The following BOC variants were observed in gnomAD, a reference collection of about 807,000 sequenced individuals.
The protein encoded by BOC is BOC cell adhesion associated, oncogene regulated.
In BOC, 76 loss-of-function variants were observed where a neutral mutation model predicts 112.0. The ratio of observed to expected loss-of-function variants is 0.68; its 90% CI spans 0.56 to 0.82. BOC has a LOEUF of 0.82. BOC is among the 40% of genes least tolerant of loss of function. The pLI is 0.00. For synonymous variants in BOC, 580 were observed against 599.8 expected (o/e 0.97, Z 0.48); for missense variants, 1,309 against 1,511.7 (o/e 0.87, Z 2.22).
chr3:113,236,309 T>TACCC (rs1943548547), intron 2 of BOC, among the ~76,000 whole-genome samples: 1 of 70,450 alleles, frequency 1.4e-5, no homozygotes, highest in Non-Finnish European at 3.3e-5. Flanking sequence ...TATATATATA[T>TACCC]ATACCCATGG....
chr3:113,279,549 G>A lies in BOC; in HGVS notation c.2023+94G>A, dbSNP rs537572740. 2.8e-5 allele frequency: 35 copies of A among 1,252,870 alleles called. 1 individual carries two copies. Among genetic ancestry groups the A allele is most frequent in the African/African-American group, 2.4e-4 (16 of 66,006 alleles). The allele number at this position is 1,252,870 out of a possible 1,614,324, so 77.6% of individuals were successfully genotyped here. The stretch of plus-strand genomic sequence containing the variant: ...GACGAGCCTGGGATCCCCTTCTCTC[G>A]GCCCAGGCCCCCACCCACCAGCATG... On this transcript the variant is annotated intron_variant, in intron 12 of 19. Coordinates refer to ENST00000682979, the MANE Select transcript of BOC (RefSeq NM_001378074.1).
intron 5 of BOC, 167 bp from the exon 6 acceptor site, chr3:113,270,634 G>C: frequency 1.4e-6 from 1 of 724,702 alleles, no homozygotes; most frequent in Non-Finnish European, 2.2e-6. Flanking sequence ...AGGTTTTATG[G>C]GGAGAACGGC....
At chr3:113,217,978 A>G (rs1298747265) in intron 2 of BOC, among the ~76,000 whole-genome samples, 2 of 152,314 alleles carry the variant, frequency 1.3e-5, no homozygotes, top group Middle Eastern at 6.8e-3. Flanking sequence ...TTACCTTTCA[A>G]TTCCATTTGC....
intron 19 of BOC, among the ~76,000 whole-genome samples, chr3:113,285,798 G>A (rs181209117): frequency 1.3e-5 from 2 of 152,290 alleles, no homozygotes; most frequent in East Asian, 1.9e-4. Flanking sequence ...GATAAGCTGC[G>A]GTCCTCAGCC....
rs1948231996 is a variant in BOC at position 113,272,551 on chromosome 3, G to GTA, written c.810_811insAT (p.Val271MetfsTer12). On this transcript the variant is annotated frameshift_variant, in exon 7 of 20. Transcript: ENST00000682979. LOFTEE classifies it high-confidence loss of function. ...GTCACCTGGGCCAAGGATGGGTCCA[G>GTA]TGTCACCGGCTACAACAAGACGCGC... 1 of 1,614,070 alleles carries GTA rather than the reference G, an allele frequency of 6.2e-7. No individual in the cohort carries two copies.
At chr3:113,233,363 A>C (rs549602578) in intron 2 of BOC, among the ~76,000 whole-genome samples, 10 of 152,256 alleles carry the variant, frequency 6.6e-5, no homozygotes, top group African/African-American at 2.4e-4. Flanking sequence ...TGGTTGCTTA[A>C]TCATCACGAG....
At chr3:113,234,902 C>G (rs1943216993) in intron 2 of BOC, among the ~76,000 whole-genome samples, 1 of 152,194 alleles carries the variant, frequency 6.6e-6, no homozygotes, top group African/African-American at 2.4e-5. Flanking sequence ...TCGAGCGCTT[C>G]CTGGGATAAT....
In BOC at chr3:113,272,436, A is replaced by G. The variant is rs367568060; in HGVS notation, c.694A>G (p.Ile232Val). The change falls in exon 7 of 20, where the codon ATC becomes GTC. Residue 232 changes from isoleucine to valine, a missense_variant. By Grantham distance (29) the Ile-to-Val change is conservative. Transcript: ENST00000682979. ...RRSTAEAARI[I>V]YPPEAQTIIV... ...CTCCACCGCTGAGGCTGCCCGCATC[A>G]TCTACCCCCCAGAGGCCCAAACCAT... The G allele has an allele frequency of 9.2e-5, 149 of 1,613,824 alleles. No individual in the cohort carries two copies. Among genetic ancestry groups the G allele is most frequent in the Admixed American group, 1.2e-4 (7 of 60,020 alleles).
Position 113,270,927 on chromosome 3 carries a change from A to G in BOC, c.650A>G (p.Asp217Gly), listed in dbSNP as rs1457803208. The change falls in exon 6 of 20, where the codon GAC becomes GGC. Residue 217 changes from aspartate to glycine, a missense_variant. Physicochemically the swap from Asp to Gly is moderately conservative, Grantham distance 94. Coordinates refer to ENST00000682979, the MANE Select transcript of BOC (RefSeq NM_001378074.1). ...GAAGTGAAAACCTCCGGCTCCAGCG[A>G]CAGGCTACGTGTGCGCCGTAAGGCC... ...TQEVKTSGSS[D>G]RLRVRRSTAE... The G allele has an allele frequency of 1.9e-6, 3 of 1,614,104 alleles. No homozygotes were observed. The highest frequency in any genetic ancestry group is 2.5e-6 in the Non-Finnish European group (3 of 1,180,048).
At chr3:113,256,586 C>T (rs956982216) in intron 4 of BOC, among the ~76,000 whole-genome samples, 31 of 152,158 alleles carry the variant, frequency 2.0e-4, no homozygotes, top group African/African-American at 7.2e-4. Flanking sequence ...CTCCCCTAAC[C>T]GCTAATTCCC....
chr3:113,267,546 T>A (rs1400914450), intron 4 of BOC, among the ~76,000 whole-genome samples: 2 of 152,118 alleles, frequency 1.3e-5, no homozygotes, highest in African/African-American at 4.8e-5. Context: ...TTCCTCTTTG[T>A]CTTAGAAAAC....
chr3:113,264,435 G>A (rs1482731585), intron 4 of BOC, among the ~76,000 whole-genome samples: 3 of 152,152 alleles, frequency 2.0e-5, no homozygotes, highest in South Asian at 4.1e-4. Flanking sequence ...TTTCTGCAGC[G>A]GAGGCCTGCT....
intron 4 of BOC, chr3:113,261,929 A>G (rs1203455328): frequency 6.6e-6 from 1 of 152,332 alleles, no homozygotes; most frequent in African/African-American, 2.4e-5. Context: ...AAAAGAAAGA[A>G]ACAAGATTTA....
chr3:113,238,715 T>C (rs1291309027), intron 2 of BOC, among the ~76,000 whole-genome samples: 1 of 152,204 alleles, frequency 6.6e-6, no homozygotes, highest in Non-Finnish European at 1.5e-5. Flanking sequence ...CTGTGTGATC[T>C]TGGACAAGAT....
chr3:113,283,402 C>G lies in BOC; in HGVS notation c.2435-9C>G. ...CATATGCTGAAGTGAGTTTTGTCCA[C>G]AATTACAGCTCGGAAGTCTTCTGGC... On this transcript the variant is annotated splice_polypyrimidine_tract_variant and intron_variant, in intron 15 of 19. Transcript: ENST00000682979. 1 of 1,584,692 alleles carries G rather than the reference C, an allele frequency of 6.3e-7. No homozygotes were observed. Among genetic ancestry groups the G allele is most frequent in the Non-Finnish European group, 8.6e-7 (1 of 1,160,400 alleles).
chr3:113,281,874 G>A (rs958586448), intron 15 of BOC, among the ~76,000 whole-genome samples: 1 of 152,166 alleles, frequency 6.6e-6, no homozygotes, highest in African/African-American at 2.4e-5. Flanking sequence ...TCCTCCCTGA[G>A]TGCCTCTGTG....
intron 3 of BOC, among the ~76,000 whole-genome samples, chr3:113,250,129 T>G (rs964688283): frequency 1.8e-4 from 27 of 152,156 alleles, no homozygotes; most frequent in Admixed American, 1.4e-3. Flanking sequence ...GGAGGAGAAG[T>G]AATAATAATA....
At chr3:113,280,489 A>G in intron 13 of BOC, 69 bp from the exon 14 acceptor site, 1 of 1,101,446 alleles carries the variant, frequency 9.1e-7, no homozygotes, top group East Asian at 2.4e-5. Context: ...ACCTTCATAC[A>G]CCAGTGGTTT....
At chr3:113,239,984 T>C (rs973449925) in intron 2 of BOC, among the ~76,000 whole-genome samples, 11 of 152,198 alleles carry the variant, frequency 7.2e-5, no homozygotes, top group African/African-American at 2.4e-4. Context: ...CTGGCTTTTC[T>C]AAGATTCCAG....
Sources: allele counts gnomAD v4.1 joint callset (sites outside exome capture counted in the v4.1 genomes callset), GRCh38; gene constraint gnomAD v4.1.1; transcripts MANE v1.5; gene names NCBI Gene and HGNC (gene_info 2026-07-23, HGNC 2026-07-21).